The following KCNU1 variants were observed in gnomAD, a reference collection of about 807,000 sequenced individuals.
KCNU1 encodes the protein potassium channel subfamily U member 1.
Under a neutral mutation model 126.8 loss-of-function variants are expected in KCNU1, and 93 were observed. The ratio of observed to expected loss-of-function variants is 0.73; its 90% confidence interval spans 0.62 to 0.87. The LOEUF is 0.87. Ranked by LOEUF, KCNU1 falls within the 40% of genes least tolerant of loss-of-function variation. The pLI, the probability that KCNU1 is intolerant of heterozygous loss-of-function variation, is 0.00. For synonymous variants in KCNU1, 523 were observed against 494.2 expected, an observed-to-expected ratio of 1.06 and a Z score of -0.77; for missense variants, 1,330 against 1,367.1, an observed-to-expected ratio of 0.97 and a Z score of 0.43.
intron 10 of KCNU1, among the ~76,000 whole-genome samples, chr8:36,826,909 C>T (rs1445177082): frequency 6.6e-6 from 1 of 152,020 alleles, no homozygotes; most frequent in Non-Finnish European, 1.5e-5. Context: ...TTTTACCTTA[C>T]CTTTTGTGTA....
intron 10 of KCNU1, among the ~76,000 whole-genome samples, chr8:36,820,451 C>A (rs903202534): frequency 1.3e-5 from 2 of 151,844 alleles, no homozygotes; most frequent in Non-Finnish European, 2.9e-5. Context: ...GGAAGAACAG[C>A]CCATGCATGG....
chr8:36,917,208 G>A (rs1808145353), intron 22 of KCNU1, among the ~76,000 whole-genome samples: 1 of 152,088 alleles, frequency 6.6e-6, no homozygotes, highest in African/African-American at 2.4e-5. Context: ...AGATCTTGAA[G>A]GTTTACAATA....
At chr8:36,912,737 C>T (rs917541973) in intron 22 of KCNU1, among the ~76,000 whole-genome samples, 6 of 151,658 alleles carry the variant, frequency 4.0e-5, no homozygotes, top group East Asian at 1.9e-4. Flanking sequence ...TTTGGGAGGC[C>T]GAGGTGGGGG....
chr8:36,901,709 CAG>C (rs966244482), intron 19 of KCNU1, among the ~76,000 whole-genome samples: 1 of 152,124 alleles, frequency 6.6e-6, no homozygotes, highest in African/African-American at 2.4e-5. Context: ...TGCTCCCAGA[CAG>C]AAATACAACA....
intron 8 of KCNU1, among the ~76,000 whole-genome samples, chr8:36,815,076 A>G (rs1007445560): frequency 6.6e-5 from 10 of 152,294 alleles, no homozygotes; most frequent in Non-Finnish European, 1.2e-4. Flanking sequence ...CAGGCCTGCA[A>G]TCCCAGCATT....
Position 36,808,698 on chromosome 8 carries a change from C to T in KCNU1, c.657-20C>T. The T allele has an allele frequency of 6.5e-7, 1 of 1,536,540 alleles. No homozygotes were observed. Among genetic ancestry groups the T allele is most frequent in the Non-Finnish European group, 9.0e-7 (1 of 1,114,190 alleles). On this transcript the variant is annotated intron_variant, in intron 6 of 26. Coordinates refer to ENST00000399881, the MANE Select transcript of KCNU1 (RefSeq NM_001031836.3). ...CTGGAATCTGTTAGACCCAACAGCT[C>T]TTTGTCTCTCTTCCTCTAGTAACTC...
In KCNU1 at chr8:36,804,024, C is replaced by A; in HGVS notation, c.316-3C>A. Reference sequence around the variant, plus strand: ...GACATTTGTCCCTGTTTTTCATTTTCAGGTGATCCTTGTCTTTGTACTAAG... The same window carrying A: ...GACATTTGTCCCTGTTTTTCATTTTAAGGTGATCCTTGTCTTTGTACTAAG... On this transcript the variant is annotated splice_polypyrimidine_tract_variant and splice_region_variant and intron_variant, in intron 2 of 26. Coordinates refer to ENST00000399881, the MANE Select transcript of KCNU1 (RefSeq NM_001031836.3). 1 of 1,548,598 alleles carries A rather than the reference C, an allele frequency of 6.5e-7. No homozygotes were observed. Among genetic ancestry groups the A allele is most frequent in the Non-Finnish European group, 8.8e-7 (1 of 1,140,876 alleles).
At chr8:36,841,757 G>C (rs138270427) in intron 16 of KCNU1, among the ~76,000 whole-genome samples, 32 of 152,154 alleles carry the variant, frequency 2.1e-4, no homozygotes, top group African/African-American at 7.0e-4. Context: ...CTGACCAGCC[G>C]ACCGGACAAA....
chr8:36,916,965 C>T (rs1808134913), intron 22 of KCNU1, among the ~76,000 whole-genome samples: 2 of 152,184 alleles, frequency 1.3e-5, no homozygotes, highest in South Asian at 4.1e-4. Context: ...TAGTACATAG[C>T]ATTCCCTCTG....
intron 10 of KCNU1, among the ~76,000 whole-genome samples, chr8:36,828,043 A>G (rs924257063): frequency 2.0e-4 from 30 of 152,104 alleles, no homozygotes; most frequent in Admixed American, 1.4e-3. Context: ...TTGATATTTA[A>G]AAGTTTTTAA....
intron 2 of KCNU1, among the ~76,000 whole-genome samples, chr8:36,801,571 T>A (rs952106316): frequency 1.3e-5 from 2 of 152,106 alleles, no homozygotes; most frequent in Admixed American, 6.5e-5. Flanking sequence ...TTTTATGGGA[T>A]TTCATAAGAG....
intron 24 of KCNU1, among the ~76,000 whole-genome samples, chr8:36,925,833 G>T (rs546193667): frequency 6.6e-6 from 1 of 152,032 alleles, no homozygotes; most frequent in Non-Finnish European, 1.5e-5. Context: ...TTTATTCTCC[G>T]TATGTGCTGG....
rs1805126319 is a variant in KCNU1, at chr8:36,845,874, A to G, written c.1866A>G (p.Lys622=). The change falls in exon 18 of 27, where the codon AAA becomes AAG. Residue 622 remains lysine (K), a synonymous_variant. Transcript: ENST00000399881. ...AGCTAATTACAAACTGTGGCTGCAA[A>G]AGCAGAAGCCGGCAGCACATCACAG... is the stretch of plus-strand genomic sequence containing the variant. ...IPELITNCGC[K]SRSRQHITVP... is the part of the protein sequence containing the mutation. The G allele has an allele frequency of 1.2e-6, 2 of 1,602,540 alleles. No individual in the cohort carries two copies. Among genetic ancestry groups the G allele is most frequent in the Non-Finnish European group, 1.7e-6 (2 of 1,173,572 alleles).
intron 18 of KCNU1, among the ~76,000 whole-genome samples, chr8:36,858,817 A>T (rs987860305): frequency 6.6e-6 from 1 of 152,178 alleles, no homozygotes; most frequent in Non-Finnish European, 1.5e-5. Context: ...GTATTTTATG[A>T]TATCTAGGGA....
intron 19 of KCNU1, among the ~76,000 whole-genome samples, chr8:36,888,212 A>G (rs537765636): frequency 6.6e-6 from 1 of 152,336 alleles, no homozygotes; most frequent in Middle Eastern, 3.4e-3. Flanking sequence ...GATAGAAAAC[A>G]TAGACAACAT....
chr8:36,895,733 C>A (rs1301932060), intron 19 of KCNU1, among the ~76,000 whole-genome samples: 2 of 152,038 alleles, frequency 1.3e-5, no homozygotes, highest in African/African-American at 4.8e-5. Context: ...TCATTTTAGA[C>A]CTTGATGCAA....
At chr8:36,830,494 C>T (rs1804496155) in intron 10 of KCNU1, among the ~76,000 whole-genome samples, 1 of 151,914 alleles carries the variant, frequency 6.6e-6, no homozygotes, top group South Asian at 2.1e-4. Context: ...ATGTGAATCT[C>T]ACGGATATTT....
intron 10 of KCNU1, 76 bp downstream of exon 10, chr8:36,817,836 T>A: frequency 1.4e-6 from 1 of 712,420 alleles, no homozygotes; most frequent in East Asian, 2.6e-5. Flanking sequence ...TGCAAGAAAA[T>A]TACCTTCACA....
intron 19 of KCNU1, among the ~76,000 whole-genome samples, chr8:36,879,209 G>GCATATATATATA (rs1806379277): frequency 1.2e-5 from 1 of 86,690 alleles, no homozygotes; most frequent in Non-Finnish European, 2.2e-5. Context: ...GTGTGTGTGT[G>GCATATATATATA]TGTATATATA....
Sources: allele counts gnomAD v4.1 joint callset (sites outside exome capture counted in the v4.1 genomes callset), GRCh38; gene constraint gnomAD v4.1.1; transcripts MANE v1.5; gene names NCBI Gene and HGNC (gene_info 2026-07-23, HGNC 2026-07-21).